Variants in CTSE observed in about 807,000 individuals in gnomAD.
The protein encoded by CTSE is erythrocyte membrane aspartic proteinase.
Under a neutral mutation model 42.8 loss-of-function variants are expected in CTSE, and 43 were observed. That is an observed-to-expected ratio of 1.01 (90% CI 0.79 to 1.30). The LOEUF is 1.30. Among genes scored for constraint, CTSE ranks in the 50% most tolerant of loss-of-function variants. The pLI, the probability that CTSE is intolerant of heterozygous loss-of-function variation, is 0.00. For missense variants in CTSE, 532 were observed against 493.5 expected, an observed-to-expected ratio of 1.08 and a Z score of -0.74; for synonymous variants, 205 against 191.5, an observed-to-expected ratio of 1.07 and a Z score of -0.58.
intron 3 of CTSE, among the ~76,000 whole-genome samples, chr1:206,021,606 T>A (rs1661426897): frequency 6.6e-6 from 1 of 152,028 alleles, no homozygotes; most frequent in Admixed American, 6.6e-5. Context: ...CTGGGACTTG[T>A]CCTGTATCGA....
At chr1:206,022,068 C>G (rs200758625) in intron 3 of CTSE, 82 bp downstream of exon 3, 1 of 914,104 alleles carries the variant, frequency 1.1e-6, no homozygotes, top group Admixed American at 2.7e-5. Flanking sequence ...GGAACCTAAG[C>G]CCCCCTTCCC....
chr1:206,016,814 G>A (rs932843965), intron 4 of CTSE, among the ~76,000 whole-genome samples: 10 of 151,930 alleles, frequency 6.6e-5, no homozygotes, highest in African/African-American at 1.4e-4. Context: ...AACACCACAC[G>A]TCTACATTAC....
rs782401564 is a variant in CTSE at position 206,015,936 on chromosome 1, C to T, written c.657G>A (p.Met219Ile). 24 of 1,613,684 alleles carry T rather than the reference C, an allele frequency of 1.5e-5. No individual in the cohort carries two copies. Among genetic ancestry groups the T allele is most frequent in the Non-Finnish European group, 1.9e-5 (23 of 1,179,716 alleles). Residue 219 changes from methionine (M) to isoleucine (I), a missense_variant, in exon 5 of 9, where the codon ATG (methionine) becomes ATA (isoleucine). Transcript: ENST00000358184. ...ACAGACTTGATGGGCCTTACCTGCT[C>T]ATGTAGACAGAAAACATCGGCAAGT... Reference protein sequence around the residue: ...LVDLPMFSVYMSSNPEGGAGS... With the variant: ...LVDLPMFSVYISSNPEGGAGS...
intron 8 of CTSE, 77 bp downstream of exon 8, chr1:206,012,231 G>C (rs901941325): frequency 8.2e-6 from 10 of 1,216,358 alleles, no homozygotes; most frequent in Non-Finnish European, 1.1e-5. Flanking sequence ...CGGGCAAAGT[G>C]CAGGCGATTG....
At position 206,016,073 on chromosome 1, in the gene CTSE, G is replaced by T; in HGVS notation, c.520C>A (p.Gln174Lys). 6.2e-7 allele frequency: 1 copy of T among 1,613,948 alleles called. No homozygotes were observed. The highest frequency in any genetic ancestry group is 8.5e-7 in the Non-Finnish European group (1 of 1,179,922). The change falls in exon 5 of 9, where the codon CAG (glutamine) becomes AAG (lysine). Residue 174 changes from glutamine (Q) to lysine (K), a missense_variant. Coordinates refer to ENST00000358184, the MANE Select transcript of CTSE (RefSeq NM_001910.4). Reference protein sequence around the residue: ...QFGESVTEPGQTFVDAEFDGI... With the variant: ...QFGESVTEPGKTFVDAEFDGI... ...TCAAACTCTGCATCCACAAAGGTCT[G>T]GCCTGGCTCTGTGACACTTTCTCCA...
chr1:206,014,569 AG>A (rs1553277536), intron 5 of CTSE, among the ~76,000 whole-genome samples: 1 of 152,030 alleles, frequency 6.6e-6, no homozygotes, highest in Non-Finnish European at 1.5e-5. Flanking sequence ...GAGTGGGGAA[AG>A]GAACTCACAT....
At chr1:206,020,121 G>A (rs1479389487) in intron 4 of CTSE, among the ~76,000 whole-genome samples, 1 of 144,546 alleles carries the variant, frequency 6.9e-6, no homozygotes, top group Non-Finnish European at 1.5e-5. Context: ...ATATACAGAT[G>A]GATATATATT....
rs782410730 is a variant in CTSE, at chr1:206,023,784, G to A, written c.8C>T (p.Thr3Met). 25 of 1,613,440 alleles carry A rather than the reference G, an allele frequency of 1.5e-5. 1 individual carries two copies. Among genetic ancestry groups the A allele is most frequent in the East Asian group, 1.1e-4 (5 of 44,882 alleles). The part of the protein sequence containing the change: MK[T>M]LLLLLLVLLE... Reference sequence around the variant, plus strand: ...GAGCACCAGCAGCAAAAGAAGGAGCGTTTTCATTGTGAGTCCGACCAGCAG... The same window carrying A: ...GAGCACCAGCAGCAAAAGAAGGAGCATTTTCATTGTGAGTCCGACCAGCAG... Residue 3 changes from threonine (T) to methionine (M), a missense_variant, in exon 1 of 9, where the codon ACG becomes ATG. Transcript: ENST00000358184.
At chr1:206,012,452 A>G (rs1553277134) in intron 7 of CTSE, 46 bp from the exon 8 acceptor site, 1 of 1,613,806 alleles carries the variant, frequency 6.2e-7, no homozygotes, top group South Asian at 1.1e-5. Context: ...GCCACCTCCC[A>G]AGAGAAGGCC....
At position 206,010,216 on chromosome 1, in the gene CTSE, A is replaced by T; in HGVS notation, c.1158T>A (p.Asn386Lys). ...CTGCTGGGGCCAGTCCCACACGGTTATTCCCACGGTCAAAGACTGAGTAAA... is the reference window on the plus strand; with the variant it reads ...CTGCTGGGGCCAGTCCCACACGGTTTTTCCCACGGTCAAAGACTGAGTAAA... The part of the protein sequence containing the change: ...RQFYSVFDRG[N>K]NRVGLAPAVP Residue 386 changes from asparagine (N) to lysine (K), a missense_variant, in exon 9 of 9, where the codon AAT becomes AAA. Coordinates refer to ENST00000358184, the MANE Select transcript of CTSE (RefSeq NM_001910.4). The T allele has an allele frequency of 1.9e-6, 3 of 1,613,800 alleles. No individual in the cohort carries two copies. Among genetic ancestry groups the T allele is most frequent in the Non-Finnish European group, 2.5e-6 (3 of 1,179,820 alleles).
At chr1:206,022,105 A>C in intron 3 of CTSE, 45 bp downstream of exon 3, 1 of 1,385,164 alleles carries the variant, frequency 7.2e-7, no homozygotes, top group Non-Finnish European at 1.0e-6. Flanking sequence ...GCCTCCCAGG[A>C]CTAGCCCCCA....
At chr1:206,013,517 G>C (rs1024367542) in intron 6 of CTSE, among the ~76,000 whole-genome samples, 1 of 152,024 alleles carries the variant, frequency 6.6e-6, no homozygotes, top group Admixed American at 6.6e-5. Context: ...GAACAAAGGG[G>C]AGCAGGCTGT....
intron 1 of CTSE, 51 bp from the exon 2 acceptor site, chr1:206,023,108 C>T (rs1553278742): frequency 2.5e-6 from 4 of 1,589,268 alleles, no homozygotes; most frequent in Admixed American, 1.7e-5. Context: ...CCTCCCTCTT[C>T]CCCCCATTCT....
rs1315574701 is a variant in CTSE at position 206,012,664 on chromosome 1, T to C, written c.786-15A>G. 3.1e-6 allele frequency: 5 copies of C among 1,609,452 alleles called. No individual in the cohort carries two copies. In the South Asian group the frequency reaches 3.3e-5, roughly 11 times the overall value. On this transcript the variant is annotated splice_polypyrimidine_tract_variant and intron_variant, in intron 6 of 8. Coordinates refer to ENST00000358184, the MANE Select transcript of CTSE (RefSeq NM_001910.4). The stretch of plus-strand genomic sequence containing the variant: ...CCACCTGGATGCTGAGGGGACAGGG[T>C]TGTGGTCGGCCCACCTTCCCTCCCC...
intron 5 of CTSE, among the ~76,000 whole-genome samples, chr1:206,015,116 G>GC: frequency 1.1e-5 from 1 of 94,640 alleles, no homozygotes; most frequent in Middle Eastern, 4.1e-3. Context: ...AAAACAATGT[G>GC]CAATTTTAAA....
Position 206,023,818 on chromosome 1 carries a change from T to C in CTSE, c.-27A>G, listed in dbSNP as rs782601704. The C allele has an allele frequency of 3.7e-6, 6 of 1,610,950 alleles. 1 individual carries two copies. In the Admixed American group the frequency reaches 5.0e-5, roughly 13 times the overall value. On this transcript the variant is annotated 5_prime_UTR_variant, in exon 1 of 9. Coordinates refer to ENST00000358184, the MANE Select transcript of CTSE (RefSeq NM_001910.4). ...GTGAGTCCGACCAGCAGCTTCTCCC[T>C]TGCCCCCTCCTTTCTTCTCTCCCCG...
At chr1:206,017,493 C>T (rs1661295039) in intron 4 of CTSE, among the ~76,000 whole-genome samples, 1 of 151,880 alleles carries the variant, frequency 6.6e-6, no homozygotes, top group East Asian at 1.9e-4. Context: ...TATATAAATC[C>T]AAATGATTTT....
chr1:206,012,202 G>A (rs1661119721), intron 8 of CTSE, 106 bp downstream of exon 8: 1 of 866,090 alleles, frequency 1.2e-6, no homozygotes, highest in African/African-American at 1.7e-5. Context: ...ACAACGTGGG[G>A]CGGGGCTTAG....
chr1:206,013,302 C>A (rs147313776), intron 6 of CTSE, among the ~76,000 whole-genome samples: 5 of 152,194 alleles, frequency 3.3e-5, no homozygotes, highest in African/African-American at 1.2e-4. Flanking sequence ...TGCACTGGAG[C>A]ATTCAGATAG....
Sources: gnomAD v4.1 joint callset for allele counts (sites outside exome capture counted in the v4.1 genomes callset) on GRCh38, gnomAD v4.1.1 for gene constraint, MANE v1.5 for transcripts, NCBI Gene and HGNC (gene_info 2026-07-23, HGNC 2026-07-21) for gene names.